FNIP1: variants seen among roughly 807,000 people sequenced by gnomAD.
The protein encoded by FNIP1 is folliculin-interacting protein 1.
FNIP1 carries 40 observed loss-of-function variants against 124.5 expected under a neutral mutation model. The ratio of observed to expected loss-of-function variants is 0.32; its 90% CI spans 0.25 to 0.42. FNIP1 has a LOEUF of 0.42. FNIP1 is among the 10% of genes least tolerant of loss of function. FNIP1 has a pLI of 1.00. For synonymous variants in FNIP1, 472 were observed against 470.6 expected, an observed-to-expected ratio of 1.00 and a Z score of -0.04; for missense variants, 1,176 against 1,403.7, an observed-to-expected ratio of 0.84 and a Z score of 2.59.
intron 6 of FNIP1, among the ~76,000 whole-genome samples, chr5:131,712,096 C>G (rs1009100471): frequency 1.3e-5 from 2 of 152,154 alleles, no homozygotes; most frequent in Non-Finnish European, 2.9e-5. Context: ...AACTTACTCT[C>G]TCATCCATCC....
chr5:131,726,727 C>T (rs1377921861), intron 3 of FNIP1, among the ~76,000 whole-genome samples: 2 of 152,048 alleles, frequency 1.3e-5, no homozygotes, highest in Non-Finnish European at 2.9e-5. Flanking sequence ...TTTGCTTTTG[C>T]TTCTCTGGTT....
intron 1 of FNIP1, among the ~76,000 whole-genome samples, chr5:131,772,330 C>G (rs1047907430): frequency 6.6e-6 from 1 of 150,908 alleles, no homozygotes; most frequent in Non-Finnish European, 1.5e-5. Flanking sequence ...GGTTATATGA[C>G]TATACATTGT....
At chr5:131,777,886 T>C (rs923549855) in intron 1 of FNIP1, among the ~76,000 whole-genome samples, 1 of 152,228 alleles carries the variant, frequency 6.6e-6, no homozygotes, top group Non-Finnish European at 1.5e-5. Flanking sequence ...GTGATTCTGA[T>C]GAATGCTAAA....
intron 16 of FNIP1, among the ~76,000 whole-genome samples, chr5:131,648,985 A>G (rs1394169447): frequency 6.6e-6 from 1 of 152,188 alleles, no homozygotes; most frequent in Non-Finnish European, 1.5e-5. Flanking sequence ...CATGTATTAG[A>G]ATTTCAGTCC....
chr5:131,718,991 G>A lies in FNIP1; in HGVS notation c.525C>T (p.Leu175=), dbSNP rs1220806756. 6.2e-7 allele frequency: 1 copy of A among 1,612,836 alleles called. No homozygotes were observed. Among genetic ancestry groups the A allele is most frequent in the South Asian group, 1.1e-5 (1 of 90,976 alleles). The change falls in exon 5 of 18, where the codon CTC becomes CTT. Residue 175 remains leucine (L), a synonymous_variant. Transcript: ENST00000510461. ...CTGTATCCATAAGCACTTACGTATTGAGACTCCCACAAATACTGCTGCCAG... is the reference window on the plus strand; with the variant it reads ...CTGTATCCATAAGCACTTACGTATTAAGACTCCCACAAATACTGCTGCCAG... ...ARTGSSICGS[L]NTLQDSLEFI...
At chr5:131,692,656 C>T (rs1768520185) in intron 11 of FNIP1, among the ~76,000 whole-genome samples, 1 of 152,136 alleles carries the variant, frequency 6.6e-6, no homozygotes, top group Admixed American at 6.5e-5. Flanking sequence ...TCAAGATTTA[C>T]TATAAAGATA....
chr5:131,685,216 C>T (rs1272709577), intron 11 of FNIP1, among the ~76,000 whole-genome samples: 2 of 151,966 alleles, frequency 1.3e-5, no homozygotes, highest in Admixed American at 6.6e-5. Context: ...AACATAGTAA[C>T]CCCATTATAC....
chr5:131,736,113 G>C (rs1770295658), intron 2 of FNIP1, among the ~76,000 whole-genome samples: 1 of 152,082 alleles, frequency 6.6e-6, no homozygotes, highest in South Asian at 2.1e-4. Flanking sequence ...AACATGAGGG[G>C]CTAACATAAT....
chr5:131,699,525 C>T (rs905477685), intron 10 of FNIP1, among the ~76,000 whole-genome samples: 15 of 151,504 alleles, frequency 9.9e-5, no homozygotes, highest in Admixed American at 9.2e-4. Context: ...TCCCGAGTAG[C>T]TGGGATTACA....
At position 131,672,482 on chromosome 5, in the gene FNIP1, G is replaced by A. The variant is rs748028847; in HGVS notation, c.1962C>T (p.Asp654=). The change falls in exon 14 of 18, where the codon GAC becomes GAT. Residue 654 remains aspartate (D), a synonymous_variant. Coordinates refer to ENST00000510461, the MANE Select transcript of FNIP1 (RefSeq NM_133372.3). ...SDECQMISPS[D]CQEENAVDVK... ...CATCAACAGCATTTTCTTCTTGGCA[G>A]TCAGAAGGAGAAATCATCTGGCACT... The A allele has an allele frequency of 1.2e-6, 2 of 1,613,340 alleles. No homozygotes were observed. Among genetic ancestry groups the A allele is most frequent in the Middle Eastern group, 1.6e-4 (1 of 6,084 alleles).
At chr5:131,699,085 C>T (rs1480310182) in intron 10 of FNIP1, 83 bp from the exon 11 acceptor site, 3 of 922,156 alleles carry the variant, frequency 3.3e-6, no homozygotes, top group Non-Finnish European at 4.8e-6. Context: ...GACAGAGTCA[C>T]ATATTTACAC....
rs1363310086 is a variant in FNIP1 at position 131,657,747 on chromosome 5, A to AAC, written c.3109-5749_3109-5748insGT. ...GCTTGAAAATAAGGCAAAAAAAAAAAAAAAAAAAAAACGGTGGGTGAAGGC... is the reference window on the plus strand; with the variant it reads ...GCTTGAAAATAAGGCAAAAAAAAAAAACAAAAAAAAAAACGGTGGGTGAAGGC... On this transcript the variant is annotated intron_variant, in intron 15 of 17. Transcript: ENST00000510461. Among the ~76,000 whole-genome samples the AAC allele has an allele frequency of 5.3e-5, 8 of 150,872 alleles. No individual in the cohort carries two copies. In the South Asian group the frequency reaches 6.2e-4, roughly 12 times the overall value.
intron 3 of FNIP1, among the ~76,000 whole-genome samples, chr5:131,720,406 G>T (rs556946492): frequency 4.9e-4 from 75 of 152,246 alleles, no homozygotes; most frequent in African/African-American, 1.8e-3. Flanking sequence ...AAGAAAACAG[G>T]AGAAAAGCTT....
At chr5:131,646,548 A>G (rs1766887161) in intron 17 of FNIP1, among the ~76,000 whole-genome samples, 1 of 152,224 alleles carries the variant, frequency 6.6e-6, no homozygotes, top group Non-Finnish European at 1.5e-5. Context: ...GAACACAAGA[A>G]AAGTGACCAC....
intron 14 of FNIP1, 124 bp downstream of exon 14, chr5:131,671,381 A>G (rs778958088): frequency 4.9e-6 from 4 of 819,164 alleles, no homozygotes; most frequent in Non-Finnish European, 7.5e-6. Context: ...AGTTAAGAGA[A>G]TATGAAAACA....
chr5:131,767,702 G>T (rs1182154650), intron 1 of FNIP1, among the ~76,000 whole-genome samples: 1 of 151,986 alleles, frequency 6.6e-6, no homozygotes, highest in Non-Finnish European at 1.5e-5. Context: ...TTTTAATGCT[G>T]GAAGCCTGTA....
intron 3 of FNIP1, among the ~76,000 whole-genome samples, chr5:131,728,797 G>A (rs1248305337): frequency 7.2e-5 from 11 of 152,252 alleles, no homozygotes; most frequent in Non-Finnish European, 1.6e-4. Flanking sequence ...TTTTATGCTC[G>A]TTTTTCCTCA....
chr5:131,657,864 C>T (rs965976451), intron 15 of FNIP1, among the ~76,000 whole-genome samples: 1 of 148,906 alleles, frequency 6.7e-6, no homozygotes, highest in Non-Finnish European at 1.5e-5. Flanking sequence ...CATGGTGAAA[C>T]CCTGTCTCTA....
intron 5 of FNIP1, among the ~76,000 whole-genome samples, chr5:131,717,263 T>C (rs1202216224): frequency 6.6e-6 from 1 of 152,246 alleles, no homozygotes; most frequent in East Asian, 1.9e-4. Context: ...TTGTGATAGT[T>C]TGCTGAGAAT....
Sources: gnomAD v4.1 joint callset for allele counts (sites outside exome capture counted in the v4.1 genomes callset) on GRCh38, gnomAD v4.1.1 for gene constraint, MANE v1.5 for transcripts, NCBI Gene and HGNC (gene_info 2026-07-23, HGNC 2026-07-21) for gene names.